Variants in TMEM210 observed in about 807,000 individuals in gnomAD.
TMEM210 encodes the protein transmembrane protein 210.
A neutral mutation model predicts 10.3 loss-of-function variants in TMEM210; 7 were observed. That is an observed-to-expected ratio of 0.68 (90% CI 0.39 to 1.28). The LOEUF (loss-of-function observed/expected upper bound fraction) is 1.28. Among genes scored for constraint, TMEM210 ranks in the 50% most tolerant of loss-of-function variants. The pLI, the probability that TMEM210 is intolerant of heterozygous loss-of-function variation, is 0.01. For synonymous variants in TMEM210, 79 were observed against 81.2 expected, an observed-to-expected ratio of 0.97 and a Z score of 0.14; for missense variants, 185 against 197.8, an observed-to-expected ratio of 0.94 and a Z score of 0.39.
At position 137,170,965 on chromosome 9, in the gene TMEM210, C is replaced by T. The variant is rs1588751365; in HGVS notation, c.*10G>A. On this transcript the variant is annotated 3_prime_UTR_variant, in exon 4 of 4. Coordinates refer to ENST00000413619, the MANE Select transcript of TMEM210 (RefSeq NM_001282477.2). Reference sequence around the variant, plus strand: ...GCTTTAATTCCCCTCCCCCAGCTGCCCTCAGCCCTCTACTCAGGTGGTAGG... The same window carrying T: ...GCTTTAATTCCCCTCCCCCAGCTGCTCTCAGCCCTCTACTCAGGTGGTAGG... 2.0e-6 allele frequency: 3 copies of T among 1,531,414 alleles called. No homozygotes were observed. The highest frequency in any genetic ancestry group is 2.6e-6 in the Non-Finnish European group (3 of 1,144,294). 94.9% of individuals were successfully genotyped at this position (1,531,414 alleles called of 1,614,324 possible). A position where few individuals can be genotyped will look rare whatever the true frequency, so the allele number is the denominator to read the frequency against.
chr9:137,171,963 G>A lies in TMEM210; in HGVS notation c.65C>T (p.Ser22Phe), dbSNP rs1430939675. ...RGGPLGLTYL[S>F]LLLIPAAAGT... The stretch of plus-strand genomic sequence containing the variant: ...ACCTGCAGCAGGGATGAGCAGAAGG[G>A]ACAAATATGTGAGGCCCAAGGGGCC... The change falls in exon 1 of 4, where the codon TCC (serine) becomes TTC (phenylalanine). Residue 22 changes from serine (S) to phenylalanine (F), a missense_variant. Ser to Phe is a radical substitution (Grantham distance 155, BLOSUM62 -2). Coordinates refer to ENST00000413619, the MANE Select transcript of TMEM210 (RefSeq NM_001282477.2). The A allele has an allele frequency of 1.4e-6, 2 of 1,428,308 alleles. No individual in the cohort carries two copies. The allele number at this position is 1,428,308 out of a possible 1,614,324, so 88.5% of individuals were successfully genotyped here.
rs1458968609 is a variant in TMEM210, at chr9:137,171,624, C to T, written c.224+17G>A. On this transcript the variant is annotated intron_variant, in intron 2 of 3. Coordinates refer to ENST00000413619, the MANE Select transcript of TMEM210 (RefSeq NM_001282477.2). Reference sequence around the variant, plus strand: ...TGGCCTCACTCCCATCCTCTCCCGGCCCCAGGGTTCACGCACCCCTTGGCC... The same window carrying T: ...TGGCCTCACTCCCATCCTCTCCCGGTCCCAGGGTTCACGCACCCCTTGGCC... The T allele has an allele frequency of 2.0e-6, 3 of 1,530,792 alleles. No homozygotes were observed. The highest frequency in any genetic ancestry group is 2.4e-5 in the East Asian group (1 of 40,846). 94.8% of individuals were successfully genotyped at this position (1,530,792 alleles called of 1,614,324 possible). A position where few individuals can be genotyped will look rare whatever the true frequency, so the allele number is the denominator to read the frequency against.
At chr9:137,171,568 T>A (rs1834108367) in intron 2 of TMEM210, 73 bp downstream of exon 2, 1 of 1,529,960 alleles carries the variant, frequency 6.5e-7, no homozygotes, top group Non-Finnish European at 8.8e-7. Flanking sequence ...AAAGCCCTTC[T>A]TGCAAGACCA....
In TMEM210 at chr9:137,170,991, G is replaced by A. The variant is rs777240287; in HGVS notation, c.428C>T (p.Pro143Leu). The A allele has an allele frequency of 6.5e-7, 1 of 1,533,686 alleles. No homozygotes were observed. The change falls in exon 4 of 4, where the codon CCC becomes CTC. Residue 143 changes from proline (P) to leucine (L), a missense_variant. Transcript: ENST00000413619. ...CTCAGCCCTCTACTCAGGTGGTAGG[G>A]GCGGGGGTGGTGGCGGCTCCTCTGA... Reference protein sequence around the residue: ...ASSEEPPPPPPLPPE With the variant: ...ASSEEPPPPPLLPPE
At chr9:137,171,512 C>G in intron 2 of TMEM210, 69 bp from the exon 3 acceptor site, 1 of 1,535,066 alleles carries the variant, frequency 6.5e-7, no homozygotes, top group African/African-American at 1.4e-5. Context: ...CAGCACACGC[C>G]TAGGAAACGC....
rs1286543291 is a variant in TMEM210 at position 137,171,704 on chromosome 9, C to T, written c.161G>A (p.Gly54Asp). The change falls in exon 2 of 4, where the codon GGC (glycine) becomes GAC (aspartate). Residue 54 changes from glycine (G) to aspartate (D), a missense_variant. Physicochemically the swap from Gly to Asp is moderately conservative, Grantham distance 94 (BLOSUM62 -1). Transcript: ENST00000413619. ...ALIALLVVLA[G>D]ISASCFCALV... ...GGCACAGAAGCAGCTGGCACTGATGCCCGCCAGCACCACAAGGAGGGCGAT... is the reference window on the plus strand; with the variant it reads ...GGCACAGAAGCAGCTGGCACTGATGTCCGCCAGCACCACAAGGAGGGCGAT... 1.3e-6 allele frequency: 2 copies of T among 1,535,526 alleles called. No homozygotes were observed. The highest frequency in any genetic ancestry group is 8.7e-7 in the Non-Finnish European group (1 of 1,146,582).
At chr9:137,171,384 G>A (rs766428471) in intron 3 of TMEM210, 30 bp downstream of exon 3, 9 of 1,535,336 alleles carry the variant, frequency 5.9e-6, no homozygotes, top group Non-Finnish European at 7.8e-6. Flanking sequence ...GAGACAGCGT[G>A]CCTCCCTCGA....
intron 3 of TMEM210, 71 bp from the exon 4 acceptor site, chr9:137,171,235 C>T: frequency 6.7e-7 from 1 of 1,491,802 alleles, no homozygotes; most frequent in Non-Finnish European, 9.0e-7. Flanking sequence ...GCGTCTGGGA[C>T]AGTGCACCCC....
At chr9:137,171,514 A>G in intron 2 of TMEM210, 71 bp from the exon 3 acceptor site, 3 of 1,535,006 alleles carry the variant, frequency 2.0e-6, no homozygotes, top group Non-Finnish European at 2.6e-6. Context: ...GCACACGCCT[A>G]GGAAACGCCA....
At chr9:137,171,565 T>C (rs2131323886) in intron 2 of TMEM210, 76 bp downstream of exon 2, 1 of 1,530,640 alleles carries the variant, frequency 6.5e-7, no homozygotes, top group Non-Finnish European at 8.7e-7. Flanking sequence ...GGTAAAGCCC[T>C]TCTTGCAAGA....
In TMEM210 at chr9:137,171,174, G is replaced by A; in HGVS notation, c.255-10C>T. Reference sequence around the variant, plus strand: ...AAAATTCTCCACCAACCTGCATGACGGGCCGGGTCATCACGAGCTGGTAGA... The same window carrying A: ...AAAATTCTCCACCAACCTGCATGACAGGCCGGGTCATCACGAGCTGGTAGA... On this transcript the variant is annotated splice_polypyrimidine_tract_variant and intron_variant, in intron 3 of 3. Transcript: ENST00000413619. The A allele has an allele frequency of 4.6e-6, 7 of 1,533,456 alleles. No individual in the cohort carries two copies. In the South Asian group the frequency reaches 4.8e-5, roughly 10 times the overall value. 95.0% of individuals were successfully genotyped at this position (1,533,456 alleles called of 1,614,324 possible).
In TMEM210 at chr9:137,171,936, G is replaced by A; in HGVS notation, c.88+4C>T. Reference sequence around the variant, plus strand: ...GAGTGGAGTGCGGGGGCAGGAGGAGGCACCTGCAGCAGGGATGAGCAGAAG... The same window carrying A: ...GAGTGGAGTGCGGGGGCAGGAGGAGACACCTGCAGCAGGGATGAGCAGAAG... On this transcript the variant is annotated splice_donor_region_variant and intron_variant, in intron 1 of 3. Coordinates refer to ENST00000413619, the MANE Select transcript of TMEM210 (RefSeq NM_001282477.2). 7.0e-7 allele frequency: 1 copy of A among 1,433,104 alleles called. No individual in the cohort carries two copies. Among genetic ancestry groups the A allele is most frequent in the Non-Finnish European group, 9.1e-7 (1 of 1,096,782 alleles). 88.8% of individuals were successfully genotyped at this position (1,433,104 alleles called of 1,614,324 possible). A position where few individuals can be genotyped will look rare whatever the true frequency, so the allele number is the denominator to read the frequency against.
intron 3 of TMEM210, 47 bp from the exon 4 acceptor site, chr9:137,171,211 C>T (rs750956610): frequency 3.3e-6 from 5 of 1,519,304 alleles, no homozygotes; most frequent in Non-Finnish European, 4.4e-6. Context: ...TCCTTGTTCC[C>T]CCAGGACAGG....
At position 137,171,991 on chromosome 9, in the gene TMEM210, C is replaced by G; in HGVS notation, c.37G>C (p.Gly13Arg). 2.1e-6 allele frequency: 3 copies of G among 1,417,932 alleles called. No homozygotes were observed. The highest frequency in any genetic ancestry group is 2.8e-6 in the Non-Finnish European group (3 of 1,090,030). 87.8% of individuals were successfully genotyped at this position (1,417,932 alleles called of 1,614,324 possible). A position where few individuals can be genotyped will look rare whatever the true frequency, so the allele number is the denominator to read the frequency against. Reference sequence around the variant, plus strand: ...AAATATGTGAGGCCCAAGGGGCCACCACGCAGGCAGGACACAGGCCAGGGA... The same window carrying G: ...AAATATGTGAGGCCCAAGGGGCCACGACGCAGGCAGGACACAGGCCAGGGA... ...PGPWPVSCLR[G>R]GPLGLTYLSL... Residue 13 changes from glycine (G) to arginine (R), a missense_variant, in exon 1 of 4, where the codon GGT becomes CGT. Physicochemically the swap from Gly to Arg is moderately radical, Grantham distance 125. Transcript: ENST00000413619.
chr9:137,172,024 C>T lies in TMEM210; in HGVS notation c.4G>A (p.Ala2Thr). ...CAGGACACAGGCCAGGGACCGGGGG[C>T]CATGTCCAGCCCTGGCCCCACTGCA... MAPGPWPVSCLR... is the reference protein window; with the variant it reads MTPGPWPVSCLR... The change falls in exon 1 of 4, where the codon GCC becomes ACC. Residue 2 changes from alanine to threonine, a missense_variant. Transcript: ENST00000413619. 2 of 1,399,504 alleles carry T rather than the reference C, an allele frequency of 1.4e-6. No individual in the cohort carries two copies. Among genetic ancestry groups the T allele is most frequent in the Non-Finnish European group, 1.9e-6 (2 of 1,080,792 alleles). The allele number at this position is 1,399,504 out of a possible 1,614,324, so 86.7% of individuals were successfully genotyped here.
chr9:137,171,944 A>AG lies in TMEM210; in HGVS notation c.83dup (p.Ala29CysfsTer7). The AG allele has an allele frequency of 2.1e-6, 3 of 1,433,586 alleles. No individual in the cohort carries two copies. The South Asian group carries it at 4.5e-5, about 21-fold the overall frequency. 88.8% of individuals were successfully genotyped at this position (1,433,586 alleles called of 1,614,324 possible). On this transcript the variant is annotated frameshift_variant, in exon 1 of 4. Transcript: ENST00000413619. LOFTEE classifies it high-confidence loss of function. ...TGCGGGGGCAGGAGGAGGCACCTGCAGCAGGGATGAGCAGAAGGGACAAAT... is the reference window on the plus strand; with the variant it reads ...TGCGGGGGCAGGAGGAGGCACCTGCAGGCAGGGATGAGCAGAAGGGACAAAT...
At position 137,171,692 on chromosome 9, in the gene TMEM210, C is replaced by T; in HGVS notation, c.173G>A (p.Ser58Asn). Reference sequence around the variant, plus strand: ...CACGATGACGAGGGCACAGAAGCAGCTGGCACTGATGCCCGCCAGCACCAC... The same window carrying T: ...CACGATGACGAGGGCACAGAAGCAGTTGGCACTGATGCCCGCCAGCACCAC... The part of the protein sequence containing the change: ...LLVVLAGISA[S>N]CFCALVIVAI... The change falls in exon 2 of 4, where the codon AGC (serine) becomes AAC (asparagine). Residue 58 changes from serine (S) to asparagine (N), a missense_variant. By Grantham distance (46) the Ser-to-Asn change is conservative. Transcript: ENST00000413619. 1 of 1,535,578 alleles carries T rather than the reference C, an allele frequency of 6.5e-7. No homozygotes were observed. Among genetic ancestry groups the T allele is most frequent in the African/African-American group, 1.4e-5 (1 of 73,176 alleles).
At position 137,171,996 on chromosome 9, in the gene TMEM210, A is replaced by G. The variant is rs1834117540; in HGVS notation, c.32T>C (p.Leu11Pro). ...TGTGAGGCCCAAGGGGCCACCACGC[A>G]GGCAGGACACAGGCCAGGGACCGGG... MAPGPWPVSC[L>P]RGGPLGLTYL... Residue 11 changes from leucine to proline, a missense_variant, in exon 1 of 4, where the codon CTG becomes CCG. Leu to Pro is a moderately conservative substitution (Grantham distance 98). Transcript: ENST00000413619. 7 of 1,416,492 alleles carry G rather than the reference A, an allele frequency of 4.9e-6. No homozygotes were observed. In the East Asian group the frequency reaches 1.6e-4, roughly 32 times the overall value. The allele number at this position is 1,416,492 out of a possible 1,614,324, so 87.7% of individuals were successfully genotyped here.
At position 137,170,958 on chromosome 9, in the gene TMEM210, C is replaced by G; in HGVS notation, c.*17G>C. On this transcript the variant is annotated 3_prime_UTR_variant, in exon 4 of 4. Coordinates refer to ENST00000413619, the MANE Select transcript of TMEM210 (RefSeq NM_001282477.2). ...TAAATACGCTTTAATTCCCCTCCCC[C>G]AGCTGCCCTCAGCCCTCTACTCAGG... 1.3e-6 allele frequency: 2 copies of G among 1,527,532 alleles called. No individual in the cohort carries two copies. Among genetic ancestry groups the G allele is most frequent in the Non-Finnish European group, 1.8e-6 (2 of 1,141,818 alleles). The allele number at this position is 1,527,532 out of a possible 1,614,324, so 94.6% of individuals were successfully genotyped here.
Sources: gnomAD v4.1 joint callset for allele counts on GRCh38, gnomAD v4.1.1 for gene constraint, MANE v1.5 for transcripts, NCBI Gene and HGNC (gene_info 2026-07-23, HGNC 2026-07-21) for gene names.